The following KCNQ1 variants were observed in gnomAD, a reference collection of about 807,000 sequenced individuals.
KCNQ1 encodes the protein potassium voltage-gated channel subfamily KQT member 1.
Under a neutral mutation model 72.4 loss-of-function variants are expected in KCNQ1, and 49 were observed. The observed-to-expected ratio is 0.68, with a 90% CI of 0.54 to 0.86. KCNQ1 has a LOEUF of 0.86. Ranked by LOEUF, KCNQ1 falls within the 40% of genes least tolerant of loss-of-function variation. KCNQ1 has a pLI of 0.00. For missense variants in KCNQ1, 790 were observed against 945.1 expected (o/e 0.84, Z 2.15); for synonymous variants, 450 against 412.6 (o/e 1.09, Z -1.10).
At chr11:2,636,570 T>C (rs1849468952) in intron 10 of KCNQ1, 1 of 152,214 alleles carries the variant, frequency 6.6e-6, no homozygotes, top group African/African-American at 2.4e-5. Context: ...TTTGATGTGC[T>C]GCTGGATTCG....
At chr11:2,569,163 C>T (rs966259665) in intron 2 of KCNQ1, among the ~76,000 whole-genome samples, 6 of 152,316 alleles carry the variant, frequency 3.9e-5, no homozygotes, top group Non-Finnish European at 5.9e-5. Context: ...GGATTACAGG[C>T]GTGAGCCCCC....
chr11:2,560,486 C>T (rs1351556506), intron 2 of KCNQ1, among the ~76,000 whole-genome samples: 54 of 52,590 alleles, frequency 1.0e-3, no homozygotes, highest in Non-Finnish European at 1.6e-3. Context: ...ATCCTGGGGG[C>T]GGGTGATGTT....
rs1847922776 is a variant in KCNQ1, at chr11:2,547,932, G to A, written c.477+19914G>A. 6.6e-6 allele frequency among the ~76,000 whole-genome samples: 1 copy of A among 152,236 alleles called. No individual in the cohort carries two copies. The highest frequency in any genetic ancestry group is 1.5e-5 in the Non-Finnish European group (1 of 68,044). Reference sequence around the variant, plus strand: ...GGGGCGTGTGCCTGGCGCGGGTGGAGGGAGCTGTGAGGAGCCTGTAGCATT... The same window carrying A: ...GGGGCGTGTGCCTGGCGCGGGTGGAAGGAGCTGTGAGGAGCCTGTAGCATT... On this transcript the variant is annotated intron_variant, in intron 2 of 15. Coordinates refer to ENST00000155840, the MANE Select transcript of KCNQ1 (RefSeq NM_000218.3). This position sits in a 1 kb window ranked among gnomAD's most constrained non-coding sequence, Gnocchi z 4.2.
At position 2,826,351 on chromosome 11, in the gene KCNQ1, A is replaced by G. The variant is rs1306368381; in HGVS notation, c.1795-21416A>G. Among the ~76,000 whole-genome samples the G allele has an allele frequency of 1.3e-5, 2 of 152,350 alleles. No homozygotes were observed. Among genetic ancestry groups the G allele is most frequent in the African/African-American group, 4.8e-5 (2 of 41,590 alleles). ...GGGCTCCAGTATTCCCCAGCTTCCC[A>G]GGGTCTCCTGGCAGTAACCAGGCCA... On this transcript the variant is annotated intron_variant, in intron 15 of 15. Transcript: ENST00000155840. This position sits in a 1 kb window ranked among gnomAD's most constrained non-coding sequence, Gnocchi z 4.2.
In KCNQ1 at chr11:2,479,162, T is replaced by C. The variant is rs191873672; in HGVS notation, c.386+33678T>C. On this transcript the variant is annotated intron_variant, in intron 1 of 15. Transcript: ENST00000155840. The surrounding 1 kb of genome is among the most constrained non-coding windows in gnomAD (Gnocchi z 4.6). ...TGCTTTCACAGGCTGGCATTGAGTG[T>C]CTGCAGCTTTTCCAGGCACATGGTG... 1.1e-3 allele frequency among the ~76,000 whole-genome samples: 161 copies of C among 152,272 alleles called. No individual in the cohort carries two copies. The highest frequency in any genetic ancestry group is 2.0e-3 in the Non-Finnish European group (138 of 68,024).
chr11:2,760,961 C>T (rs1030468814), intron 11 of KCNQ1, among the ~76,000 whole-genome samples: 4 of 152,184 alleles, frequency 2.6e-5, no homozygotes, highest in East Asian at 1.9e-4. Flanking sequence ...TTAGTTTAGC[C>T]GTCCATAGAC....
In KCNQ1 at chr11:2,497,570, C is replaced by G. The variant is rs983985930; in HGVS notation, c.387-30358C>G. 2.6e-5 allele frequency among the ~76,000 whole-genome samples: 4 copies of G among 152,112 alleles called. No homozygotes were observed. Among genetic ancestry groups the G allele is most frequent in the Admixed American group, 6.5e-5 (1 of 15,280 alleles). Reference sequence around the variant, plus strand: ...TTATTCTAGTTAGCAGTTCCTGTAACCTTTTATCAGGTTCTTAGCTTCCTT... The same window carrying G: ...TTATTCTAGTTAGCAGTTCCTGTAAGCTTTTATCAGGTTCTTAGCTTCCTT... On this transcript the variant is annotated intron_variant, in intron 1 of 15. Transcript: ENST00000155840. This position sits in a 1 kb window ranked among gnomAD's most constrained non-coding sequence, Gnocchi z 4.5.
intron 10 of KCNQ1, among the ~76,000 whole-genome samples, chr11:2,604,758 T>A (rs1445950593): frequency 6.6e-6 from 1 of 152,056 alleles, no homozygotes; most frequent in Non-Finnish European, 1.5e-5. Context: ...TTGGCCGAGA[T>A]GGTCTCGATC....
At chr11:2,582,726 T>C (rs1848519236) in intron 6 of KCNQ1, among the ~76,000 whole-genome samples, 1 of 152,158 alleles carries the variant, frequency 6.6e-6, no homozygotes, top group Non-Finnish European at 1.5e-5. Context: ...CGCCAGCTCC[T>C]GAAGAACCCA....
rs990140915 is a variant in KCNQ1, at chr11:2,626,480, C to A, written c.1394-35481C>A. On this transcript the variant is annotated intron_variant, in intron 10 of 15. Coordinates refer to ENST00000155840, the MANE Select transcript of KCNQ1 (RefSeq NM_000218.3). This position sits in a 1 kb window ranked among gnomAD's most constrained non-coding sequence, Gnocchi z 4.0. Reference sequence around the variant, plus strand: ...TATTCAATTCCATTGGTCTCTACATCTTTATGTCAATACCACATAGTTTTG... The same window carrying A: ...TATTCAATTCCATTGGTCTCTACATATTTATGTCAATACCACATAGTTTTG... 2.8e-5 allele frequency: 11 copies of A among 398,582 alleles called. No homozygotes were observed. In the Admixed American group the frequency reaches 3.5e-4, roughly 13 times the overall value. 24.7% of individuals were successfully genotyped at this position (398,582 alleles called of 1,614,324 possible).
At chr11:2,738,699 T>C (rs1475761619) in intron 11 of KCNQ1, among the ~76,000 whole-genome samples, 2 of 152,182 alleles carry the variant, frequency 1.3e-5, no homozygotes, top group Admixed American at 6.5e-5. Context: ...TGTCTGCTTT[T>C]CCTGGGGGCC....
Position 2,623,375 on chromosome 11 carries a change from T to G in KCNQ1, c.1393+34521T>G, listed in dbSNP as rs143282761. ...TCATACAGATACGTATATTTACATA[T>G]ATTTGTACATTTTCACTGCCCTAAA... On this transcript the variant is annotated intron_variant, in intron 10 of 15. Coordinates refer to ENST00000155840, the MANE Select transcript of KCNQ1 (RefSeq NM_000218.3). The surrounding 1 kb of genome is among the most constrained non-coding windows in gnomAD (Gnocchi z 5.2). The G allele has an allele frequency of 7.5e-6, 3 of 398,622 alleles. No homozygotes were observed. In the Admixed American group the frequency reaches 1.3e-4, roughly 18 times the overall value. The allele number at this position is 398,622 out of a possible 1,614,324, so 24.7% of individuals were successfully genotyped here. A position where few individuals can be genotyped will look rare whatever the true frequency, so the allele number is the denominator to read the frequency against.
intron 7 of KCNQ1, among the ~76,000 whole-genome samples, chr11:2,584,277 T>C (rs528420335): frequency 6.6e-6 from 1 of 151,492 alleles, no homozygotes; most frequent in South Asian, 2.1e-4. Flanking sequence ...TATGTGCGTA[T>C]ATGTGTGTGC....
Position 2,785,259 on chromosome 11 carries a change from T to C in KCNQ1, c.1794+7222T>C, listed in dbSNP as rs1009922337. Among the ~76,000 whole-genome samples, 1 of 152,040 alleles carries C rather than the reference T, an allele frequency of 6.6e-6. No homozygotes were observed. Among genetic ancestry groups the C allele is most frequent in the African/African-American group, 2.4e-5 (1 of 41,462 alleles). ...TCTAGTGAGATGGTCCTGTGGTTTT[T>C]ATTCCTTATTCTACTGATTTGGTAT... On this transcript the variant is annotated intron_variant, in intron 15 of 15. Coordinates refer to ENST00000155840, the MANE Select transcript of KCNQ1 (RefSeq NM_000218.3). This position sits in a 1 kb window ranked among gnomAD's most constrained non-coding sequence, Gnocchi z 4.4.
In KCNQ1 at chr11:2,473,552, C is replaced by T. The variant is rs138626969; in HGVS notation, c.386+28068C>T. Among the ~76,000 whole-genome samples, 38 of 152,306 alleles carry T rather than the reference C, an allele frequency of 2.5e-4. No individual in the cohort carries two copies. In the East Asian group the frequency reaches 4.4e-3, roughly 18 times the overall value. Reference sequence around the variant, plus strand: ...CGTTGAGTCCCCTGCCGTGGGACAGCGCTCAGCATGGCACAGACGCTCAGC... The same window carrying T: ...CGTTGAGTCCCCTGCCGTGGGACAGTGCTCAGCATGGCACAGACGCTCAGC... On this transcript the variant is annotated intron_variant, in intron 1 of 15. Transcript: ENST00000155840. The surrounding 1 kb of genome is among the most constrained non-coding windows in gnomAD (Gnocchi z 6.0).
chr11:2,539,358 G>A (rs1049707634), intron 2 of KCNQ1, among the ~76,000 whole-genome samples: 1 of 152,196 alleles, frequency 6.6e-6, no homozygotes, highest in African/African-American at 2.4e-5. Context: ...CGTCTTCCCT[G>A]TTTTCAAGCT....
chr11:2,588,046 G>A lies in KCNQ1; in HGVS notation c.1251+354G>A, dbSNP rs576199161. ...TGGTGAGCAGTGGGCAGGGGGCCGC[G>A]CGCAGTGGGTGGTGGGAGGGGAGCA... On this transcript the variant is annotated intron_variant, in intron 9 of 15. Transcript: ENST00000155840. The surrounding 1 kb of genome is among the most constrained non-coding windows in gnomAD (Gnocchi z 5.6). 9.2e-5 allele frequency among the ~76,000 whole-genome samples: 14 copies of A among 152,102 alleles called. No individual in the cohort carries two copies. Among genetic ancestry groups the A allele is most frequent in the Non-Finnish European group, 1.5e-4 (10 of 67,962 alleles).
chr11:2,763,057 T>C (rs188056799), intron 11 of KCNQ1, among the ~76,000 whole-genome samples: 71 of 152,340 alleles, frequency 4.7e-4, no homozygotes, highest in African/African-American at 1.7e-3. Context: ...CCTTGTCGGT[T>C]TCCAATAAAT....
Position 2,782,373 on chromosome 11 carries a change from T to G in KCNQ1, c.1794+4336T>G, listed in dbSNP as rs1376157842. ...TAATATATCAGAATTTTTGTGCCAGTATTTATGTGTGAGATACATACATGA... is the reference window on the plus strand; with the variant it reads ...TAATATATCAGAATTTTTGTGCCAGGATTTATGTGTGAGATACATACATGA... On this transcript the variant is annotated intron_variant, in intron 15 of 15. Coordinates refer to ENST00000155840, the MANE Select transcript of KCNQ1 (RefSeq NM_000218.3). This position sits in a 1 kb window ranked among gnomAD's most constrained non-coding sequence, Gnocchi z 6.1. 6.6e-6 allele frequency among the ~76,000 whole-genome samples: 1 copy of G among 152,232 alleles called. No individual in the cohort carries two copies. The highest frequency in any genetic ancestry group is 1.5e-5 in the Non-Finnish European group (1 of 68,042).
Sources: allele counts gnomAD v4.1 joint callset (sites outside exome capture counted in the v4.1 genomes callset), GRCh38; gene constraint gnomAD v4.1.1; non-coding constraint Gnocchi (gnomAD v3.1); transcripts MANE v1.5; gene names NCBI Gene and HGNC (gene_info 2026-07-23, HGNC 2026-07-21).